OPCML: variants seen among roughly 807,000 people sequenced by gnomAD.
OPCML encodes the protein opioid binding protein/cell adhesion molecule like, also known as opioid-binding protein/cell adhesion molecule.
A neutral mutation model predicts 37.8 loss-of-function variants in OPCML; 13 were observed. The observed-to-expected ratio is 0.34, with a 90% CI of 0.22 to 0.55. The LOEUF (loss-of-function observed/expected upper bound fraction) is 0.55, where lower values mean the gene tolerates loss of function less well. Among genes scored for constraint, OPCML ranks in the 20% least tolerant of loss-of-function variants. OPCML has a pLI of 0.91. For missense variants in OPCML, 341 were observed against 435.6 expected (o/e 0.78, Z 1.93); for synonymous variants, 176 against 168.8 (o/e 1.04, Z -0.33).
chr11:132,648,592 T>C (rs1941272909), intron 3 of OPCML, among the ~76,000 whole-genome samples: 2 of 151,220 alleles, frequency 1.3e-5, no homozygotes, highest in African/African-American at 4.9e-5. Flanking sequence ...TGATCTTGGC[T>C]CACTGCAACC....
intron 1 of OPCML, among the ~76,000 whole-genome samples, chr11:133,488,065 T>A (rs1947568392): frequency 1.3e-5 from 2 of 152,066 alleles, no homozygotes; most frequent in Admixed American, 6.6e-5. Flanking sequence ...AAATTCAGCA[T>A]CCATTCATGA....
intron 2 of OPCML, among the ~76,000 whole-genome samples, chr11:132,734,187 G>C (rs191410446): frequency 6.6e-6 from 1 of 152,156 alleles, no homozygotes; most frequent in East Asian, 1.9e-4. Context: ...CAGATTTTAA[G>C]ATAAAGAATC....
chr11:132,909,367 T>G (rs765209256), intron 2 of OPCML, among the ~76,000 whole-genome samples: 1 of 152,228 alleles, frequency 6.6e-6, no homozygotes, highest in African/African-American at 2.4e-5. Context: ...GTTCAGGTTG[T>G]GCGAACATTC....
At chr11:132,500,436 G>A (rs549168527) in intron 4 of OPCML, among the ~76,000 whole-genome samples, 1 of 152,308 alleles carries the variant, frequency 6.6e-6, no homozygotes, top group African/African-American at 2.4e-5. Context: ...CTTGGGTCCA[G>A]GGAACAGCTT....
chr11:133,011,221 T>C (rs1319097816), intron 1 of OPCML, among the ~76,000 whole-genome samples: 1 of 152,236 alleles, frequency 6.6e-6, no homozygotes, highest in African/African-American at 2.4e-5. Context: ...AGGCCCTTTC[T>C]ATGGAGTCTA....
intron 4 of OPCML, among the ~76,000 whole-genome samples, chr11:132,439,382 C>T (rs1026244379): frequency 3.3e-5 from 5 of 152,292 alleles, no homozygotes; most frequent in Admixed American, 6.5e-5. Context: ...CCAGAGCATG[C>T]GCCACCTGGG....
chr11:133,463,635 G>A (rs1946909277), intron 1 of OPCML, among the ~76,000 whole-genome samples: 1 of 152,034 alleles, frequency 6.6e-6, no homozygotes, highest in Non-Finnish European at 1.5e-5. Flanking sequence ...GGAAGACCGT[G>A]TCTATGCTGT....
At chr11:133,105,981 T>TAA (rs56351919) in intron 1 of OPCML, among the ~76,000 whole-genome samples, 1 of 92,950 alleles carries the variant, frequency 1.1e-5, no homozygotes, top group Non-Finnish European at 2.1e-5. Flanking sequence ...GACTCCATCT[T>TAA]AAAAATAAAA....
chr11:133,249,920 AC>A (rs1426699409), intron 1 of OPCML, among the ~76,000 whole-genome samples: 1 of 152,224 alleles, frequency 6.6e-6, no homozygotes, highest in African/African-American at 2.4e-5. Context: ...GAGAAGCTAG[AC>A]CAGGGCTTAA....
At chr11:132,513,779 C>T (rs2096273941) in intron 4 of OPCML, among the ~76,000 whole-genome samples, 1 of 152,162 alleles carries the variant, frequency 6.6e-6, no homozygotes, top group Non-Finnish European at 1.5e-5. Context: ...GTTAAATGAT[C>T]CTCTCCTGTG....
intron 1 of OPCML, among the ~76,000 whole-genome samples, chr11:133,101,188 G>GA (rs1266755314): frequency 2.0e-5 from 3 of 152,172 alleles, no homozygotes; most frequent in Non-Finnish European, 4.4e-5. Context: ...CTCCCAAAGT[G>GA]CTAGGGTGAC....
chr11:132,654,735 G>A (rs932873169), intron 3 of OPCML, among the ~76,000 whole-genome samples: 23 of 151,356 alleles, frequency 1.5e-4, no homozygotes, highest in African/African-American at 5.6e-4. Context: ...TCTTCCCCAA[G>A]AGACGCTCCT....
chr11:132,429,185 G>C (rs1018772805), intron 7 of OPCML, among the ~76,000 whole-genome samples: 4 of 152,142 alleles, frequency 2.6e-5, no homozygotes, highest in African/African-American at 9.7e-5. Flanking sequence ...AAGCTATAAG[G>C]CTACGCTGAT....
chr11:132,897,207 G>A (rs1943883513), intron 2 of OPCML, among the ~76,000 whole-genome samples: 2 of 152,202 alleles, frequency 1.3e-5, no homozygotes, highest in Admixed American at 6.5e-5. Context: ...AAGAATCACA[G>A]CAGAAGTTCT....
At chr11:133,135,318 T>C (rs1249111660) in intron 1 of OPCML, among the ~76,000 whole-genome samples, 1 of 152,206 alleles carries the variant, frequency 6.6e-6, no homozygotes. Flanking sequence ...TAGTTAACTG[T>C]TGAGGTTCTA....
At chr11:133,422,043 G>A (rs546887693) in intron 1 of OPCML, 127 of 622,832 alleles carry the variant, frequency 2.0e-4, no homozygotes, top group Admixed American at 4.4e-4. Context: ...AGGTGTATAC[G>A]TGCCATGGTG....
At chr11:133,055,481 C>T (rs75050052) in intron 1 of OPCML, among the ~76,000 whole-genome samples, 4 of 142,300 alleles carry the variant, frequency 2.8e-5, no homozygotes, top group African/African-American at 7.9e-5. Context: ...CTCTACCGTA[C>T]AATGCTGCCT....
At chr11:132,427,058 C>T (rs2095979980) in intron 7 of OPCML, among the ~76,000 whole-genome samples, 1 of 151,988 alleles carries the variant, frequency 6.6e-6, no homozygotes, top group African/African-American at 2.4e-5. Flanking sequence ...TCCATGATTA[C>T]AATGAAAATA....
chr11:132,515,703 T>C (rs2096278124), intron 4 of OPCML, among the ~76,000 whole-genome samples: 1 of 152,186 alleles, frequency 6.6e-6, no homozygotes, highest in South Asian at 2.1e-4. Context: ...CTGAATCTCA[T>C]ACAGAGAAAC....
Sources: allele counts gnomAD v4.1 joint callset (sites outside exome capture counted in the v4.1 genomes callset), GRCh38; gene constraint gnomAD v4.1.1; transcripts MANE v1.5; gene names NCBI Gene and HGNC (gene_info 2026-07-23, HGNC 2026-07-21).